The following NKAIN4 variants were observed in gnomAD, a reference collection of about 807,000 sequenced individuals.
NKAIN4 encodes sodium/potassium transporting ATPase interacting 4.
A neutral mutation model predicts 28.8 loss-of-function variants in NKAIN4; 28 were observed. The observed-to-expected ratio is 0.97, with a 90% confidence interval of 0.72 to 1.33. NKAIN4 has a LOEUF of 1.33. Among genes scored for constraint, NKAIN4 ranks in the 40% most tolerant of loss-of-function variants. NKAIN4 has a pLI of 0.00. For synonymous variants in NKAIN4, 122 were observed against 115.6 expected (o/e 1.06, Z -0.36); for missense variants, 289 against 277.2 (o/e 1.04, Z -0.30).
chr20:63,252,844 GC>G lies in NKAIN4; in HGVS notation c.54+1552del, dbSNP rs1372177237. Among the ~76,000 whole-genome samples, 1 of 151,664 alleles carries G rather than the reference GC, an allele frequency of 6.6e-6. No individual in the cohort carries two copies. The highest frequency in any genetic ancestry group is 1.5e-5 in the Non-Finnish European group (1 of 67,924). On this transcript the variant is annotated intron_variant, in intron 1 of 6. Transcript: ENST00000370316. This position sits in a 1 kb window ranked among gnomAD's most constrained non-coding sequence, Gnocchi z 4.6. ...GTGAAACGGGAACATGACCCCACCC[GC>G]CCCTCTGCACCCTGAGGTCACATCC... is the stretch of plus-strand genomic sequence containing the variant.
At chr20:63,253,457 C>G (rs377171060) in intron 1 of NKAIN4, 3 of 985,454 alleles carry the variant, frequency 3.0e-6, no homozygotes, top group East Asian at 1.1e-4. Context: ...TTTCGCTGCT[C>G]AAAACTCTGA....
intron 2 of NKAIN4, 66 bp downstream of exon 2, chr20:63,249,866 GCCA>G: frequency 1.3e-6 from 2 of 1,502,462 alleles, no homozygotes; most frequent in Non-Finnish European, 1.8e-6. Flanking sequence ...CCAGGATGGT[GCCA>G]TGGGAGCCGC....
rs2066984598 is a variant in NKAIN4 at position 63,252,832 on chromosome 20, A to G, written c.54+1565T>C. ...TCCACCGCAGAGGTGAAACGGGAAC[A>G]TGACCCCACCCGCCCCTCTGCACCC... On this transcript the variant is annotated intron_variant, in intron 1 of 6. Transcript: ENST00000370316. This position sits in a 1 kb window ranked among gnomAD's most constrained non-coding sequence, Gnocchi z 4.6. Among the ~76,000 whole-genome samples the G allele has an allele frequency of 6.6e-6, 1 of 152,130 alleles. No homozygotes were observed. Among genetic ancestry groups the G allele is most frequent in the Non-Finnish European group, 1.5e-5 (1 of 68,002 alleles).
chr20:63,250,638 G>T (rs1303251584), intron 1 of NKAIN4, among the ~76,000 whole-genome samples: 1 of 152,092 alleles, frequency 6.6e-6, no homozygotes, highest in Non-Finnish European at 1.5e-5. Context: ...TCCACTTCAG[G>T]ATATTACAGG....
chr20:63,240,957 T>C lies in NKAIN4; in HGVS notation c.*540A>G, dbSNP rs6089866. 33,350 of 158,752 alleles carry C rather than the reference T, an allele frequency of 0.21. 3,888 individuals are homozygous for C. The highest frequency in any genetic ancestry group is 0.34 in the East Asian group (1,765 of 5,224). 9.8% of individuals were successfully genotyped at this position (158,752 alleles called of 1,614,324 possible). ...TCCTGGTCAAGCCCAGCCCCCACCC[T>C]AGGGCTCCATCAGCCTCAGCTCCTG... On this transcript the variant is annotated 3_prime_UTR_variant, in exon 7 of 7. Coordinates refer to ENST00000370316, the MANE Select transcript of NKAIN4 (RefSeq NM_152864.4).
At position 63,241,336 on chromosome 20, in the gene NKAIN4, G is replaced by C; in HGVS notation, c.*161C>G. On this transcript the variant is annotated 3_prime_UTR_variant, in exon 7 of 7. Transcript: ENST00000370316. ...CAGCCAGCCGTGGCACTGCCCTGCCGCCCTGGCTGGTGTCCAGTACTTAGA... is the reference window on the plus strand; with the variant it reads ...CAGCCAGCCGTGGCACTGCCCTGCCCCCCTGGCTGGTGTCCAGTACTTAGA... 1 of 653,322 alleles carries C rather than the reference G, an allele frequency of 1.5e-6. No homozygotes were observed. The highest frequency in any genetic ancestry group is 2.8e-6 in the Non-Finnish European group (1 of 363,298). The allele number at this position is 653,322 out of a possible 1,614,324, so 40.5% of individuals were successfully genotyped here. A position where few individuals can be genotyped will look rare whatever the true frequency, so the allele number is the denominator to read the frequency against.
At chr20:63,254,589 A>G (rs1331902645), upstream of NKAIN4, 1 of 462,902 alleles carries the variant, frequency 2.2e-6, no homozygotes, top group Non-Finnish European at 2.9e-6. Flanking sequence ...CCCCCGGCCC[A>G]GCCCCAGCCC....
chr20:63,250,083 G>A lies in NKAIN4; in HGVS notation c.55-11C>T. ...CTCCAGGGCGGCGACCTAGGAGCAGGGCGGGCGCCATGAAGGGTGGACCCG... is the reference window on the plus strand; with the variant it reads ...CTCCAGGGCGGCGACCTAGGAGCAGAGCGGGCGCCATGAAGGGTGGACCCG... On this transcript the variant is annotated splice_polypyrimidine_tract_variant and intron_variant, in intron 1 of 6. Transcript: ENST00000370316. 1 of 1,556,760 alleles carries A rather than the reference G, an allele frequency of 6.4e-7. No individual in the cohort carries two copies. The highest frequency in any genetic ancestry group is 8.7e-7 in the Non-Finnish European group (1 of 1,151,076).
intron 1 of NKAIN4, 80 bp from the exon 2 acceptor site, chr20:63,250,152 C>T (rs2066931671): frequency 1.4e-6 from 2 of 1,463,044 alleles, no homozygotes; most frequent in Non-Finnish European, 1.8e-6. Context: ...GCCAAGGTGA[C>T]AGGATCTCAG....
chr20:63,251,560 C>T (rs1454381023), intron 1 of NKAIN4, among the ~76,000 whole-genome samples: 1 of 152,244 alleles, frequency 6.6e-6, no homozygotes, highest in Non-Finnish European at 1.5e-5. Flanking sequence ...CCAAGGAGCC[C>T]TCTGGTGGCC....
At chr20:63,248,786 C>T in intron 3 of NKAIN4, 29 bp downstream of exon 3, 1 of 1,507,644 alleles carries the variant, frequency 6.6e-7, no homozygotes, top group Non-Finnish European at 9.2e-7. Flanking sequence ...CAGGGAAGGA[C>T]CTCGCGCTGC....
intron 6 of NKAIN4, among the ~76,000 whole-genome samples, chr20:63,242,118 G>A (rs1468244714): frequency 3.3e-5 from 5 of 152,168 alleles, no homozygotes; most frequent in African/African-American, 1.2e-4. Flanking sequence ...GCAGAGCTGT[G>A]GACACTGCCT....
intron 5 of NKAIN4, among the ~76,000 whole-genome samples, chr20:63,243,685 C>T (rs2066803414): frequency 6.6e-6 from 1 of 152,218 alleles, no homozygotes; most frequent in Non-Finnish European, 1.5e-5. Context: ...TTCCGATCTG[C>T]CTGGAGGCTG....
chr20:63,254,470 G>T, upstream of NKAIN4: 1 of 1,314,302 alleles, frequency 7.6e-7, no homozygotes. Context: ...CTATACAGGA[G>T]GCCCCCGGGT....
In NKAIN4 at chr20:63,244,064, G is replaced by A. The variant is rs746622845; in HGVS notation, c.492C>T (p.Gly164=). ...CCGTAAACACGCTGACCACCTGGCAGCCACAGACAAAGCCCAGAAGCTGAA... is the reference window on the plus strand; with the variant it reads ...CCGTAAACACGCTGACCACCTGGCAACCACAGACAAAGCCCAGAAGCTGAA... ...ILIALLGFVC[G]CQVVSVFTEE... The change falls in exon 5 of 7, where the codon GGC becomes GGT. Residue 164 remains glycine (G), a synonymous_variant. Transcript: ENST00000370316. The A allele has an allele frequency of 6.2e-7, 1 of 1,613,854 alleles. No individual in the cohort carries two copies. The highest frequency in any genetic ancestry group is 1.1e-5 in the South Asian group (1 of 91,004).
rs965750185 is a variant in NKAIN4, at chr20:63,243,952, A to T, written c.532+72T>A. 5.3e-6 allele frequency: 7 copies of T among 1,329,356 alleles called. No individual in the cohort carries two copies. The African/African-American group carries it at 1.0e-4, about 19-fold the overall frequency. 82.3% of individuals were successfully genotyped at this position (1,329,356 alleles called of 1,614,324 possible). ...GGGGAGGTCTCTCGCCTTGCCCCAG[A>T]CGGGACAGACTCAGAGCTGCCACCT... On this transcript the variant is annotated intron_variant, in intron 5 of 6. Transcript: ENST00000370316.
intron 1 of NKAIN4, chr20:63,253,413 G>A (rs1282268932): frequency 1.0e-6 from 1 of 985,418 alleles, no homozygotes; most frequent in Non-Finnish European, 1.2e-6. Flanking sequence ...CCGAGCACAG[G>A]ACACCCAAGC....
chr20:63,242,795 T>TGGGACACCC (rs2066781391), intron 5 of NKAIN4, among the ~76,000 whole-genome samples, 172 bp from the exon 6 acceptor site: 1 of 22,914 alleles, frequency 4.4e-5, no homozygotes, highest in African/African-American at 1.6e-4. Flanking sequence ...ACGGGGGGGG[T>TGGGACACCC]GGGACACCCG....
intron 4 of NKAIN4, 77 bp downstream of exon 4, chr20:63,247,501 G>A (rs1340220139): frequency 1.3e-6 from 2 of 1,548,848 alleles, no homozygotes; most frequent in East Asian, 2.4e-5. Context: ...CCCCGCCTCA[G>A]GGAGATGAGC....
Sources: gnomAD v4.1 joint callset for allele counts (sites outside exome capture counted in the v4.1 genomes callset) on GRCh38, gnomAD v4.1.1 for gene constraint, Gnocchi (gnomAD v3.1) non-coding constraint, MANE v1.5 for transcripts, NCBI Gene and HGNC (gene_info 2026-07-23, HGNC 2026-07-21) for gene names.